DZANK1: variants seen among roughly 807,000 people sequenced by gnomAD.
DZANK1 encodes the protein double zinc ribbon and ankyrin repeat-containing protein 1.
Under a neutral mutation model 94.5 loss-of-function variants are expected in DZANK1, and 91 were observed. The observed-to-expected ratio is 0.96, with a 90% CI of 0.81 to 1.15. The LOEUF is 1.15. DZANK1 is among the 50% of genes most tolerant of loss of function. The probability of loss-of-function intolerance (pLI) is 0.00; values close to 1 mark genes in which losing one functional copy is unlikely to be tolerated. For missense variants in DZANK1, 903 were observed against 916.4 expected, an observed-to-expected ratio of 0.99 and a Z score of 0.19; for synonymous variants, 312 against 325.3, an observed-to-expected ratio of 0.96 and a Z score of 0.44.
At chr20:18,399,955 T>C (rs1455882807) in intron 13 of DZANK1, among the ~76,000 whole-genome samples, 2 of 152,238 alleles carry the variant, frequency 1.3e-5, no homozygotes, top group African/African-American at 2.4e-5. Flanking sequence ...TCATGCAGCA[T>C]GGTTCAGTGG....
intron 13 of DZANK1, among the ~76,000 whole-genome samples, chr20:18,408,977 C>A (rs2057099527): frequency 6.6e-6 from 1 of 151,998 alleles, no homozygotes; most frequent in Non-Finnish European, 1.5e-5. Flanking sequence ...AGTACAATAA[C>A]ACTAAAGAGA....
chr20:18,394,546 C>G, intron 15 of DZANK1, 196 bp from the exon 16 acceptor site: 1 of 689,244 alleles, frequency 1.5e-6, no homozygotes, highest in Non-Finnish European at 2.6e-6. Context: ...GCCCCTTACC[C>G]GCGGCTCAGT....
chr20:18,419,633 C>A (rs575494425), intron 10 of DZANK1, among the ~76,000 whole-genome samples: 1 of 152,190 alleles, frequency 6.6e-6, no homozygotes, highest in African/African-American at 2.4e-5. Flanking sequence ...TGTGGAACAG[C>A]TTTAAAGTTC....
In DZANK1 at chr20:18,441,135, T is replaced by C. The variant is rs12625434; in HGVS notation, c.747+2212A>G. On this transcript the variant is annotated intron_variant, in intron 8 of 20. Transcript: ENST00000262547. This position sits in a 1 kb window ranked among gnomAD's most constrained non-coding sequence, Gnocchi z 4.1. ...ACAGTTTTTGTAGTCATTGTCACTG[T>C]CATAGAGTCAAGTGCAGCAGTTACT... is the stretch of plus-strand genomic sequence containing the variant. Among the ~76,000 whole-genome samples, 62,584 of 151,900 alleles carry C rather than the reference T, an allele frequency of 0.41. 13,501 individuals carry two copies. The highest frequency in any genetic ancestry group is 0.48 in the Middle Eastern group (139 of 290).
At chr20:18,452,438 T>C (rs1344088675) in intron 6 of DZANK1, among the ~76,000 whole-genome samples, 177 bp downstream of exon 6, 1 of 152,162 alleles carries the variant, frequency 6.6e-6, no homozygotes. Context: ...CCAAGCCCAA[T>C]AAAAGGTAAG....
intron 7 of DZANK1, among the ~76,000 whole-genome samples, chr20:18,446,850 T>C (rs1400030838): frequency 6.6e-6 from 1 of 152,224 alleles, no homozygotes; most frequent in Non-Finnish European, 1.5e-5. Flanking sequence ...GAATCTAGAA[T>C]TATACCGATA....
chr20:18,452,715 T>C (rs752736130), intron 5 of DZANK1: 1 of 1,592,034 alleles, frequency 6.3e-7, no homozygotes, highest in Admixed American at 1.8e-5. Context: ...AGTTTTAGGG[T>C]CAGTTCTTTC....
chr20:18,425,507 C>T (rs1333881628), intron 10 of DZANK1, among the ~76,000 whole-genome samples: 1 of 150,856 alleles, frequency 6.6e-6, no homozygotes, highest in South Asian at 2.1e-4. Context: ...GCCGAGACTG[C>T]ACCACTGCAC....
rs1357964955 is a variant in DZANK1 at position 18,389,774 on chromosome 20, CA to C, written c.1944del (p.Val649LeufsTer2). The stretch of plus-strand genomic sequence containing the variant: ...ATCGCTTCATGGTGCTTATTCATAA[CA>C]GCCACGGTTATGACGGGTCGATTGT... On this transcript the variant is annotated frameshift_variant, in exon 19 of 21. Coordinates refer to ENST00000262547, the Ensembl canonical transcript of DZANK1. LOFTEE classifies it high-confidence loss of function. The C allele has an allele frequency of 6.2e-7, 1 of 1,613,906 alleles. No individual in the cohort carries two copies.
chr20:18,439,568 G>T (rs1342090906), intron 8 of DZANK1, among the ~76,000 whole-genome samples: 6 of 152,166 alleles, frequency 3.9e-5, no homozygotes, highest in African/African-American at 1.4e-4. Flanking sequence ...GCAGTTAAGT[G>T]CTGCCACTTA....
intron 19 of DZANK1, among the ~76,000 whole-genome samples, chr20:18,388,868 C>G (rs1279078702): frequency 2.6e-5 from 4 of 152,174 alleles, no homozygotes; most frequent in African/African-American, 4.8e-5. Flanking sequence ...ATAACAGAAG[C>G]AAAGCTACTG....
exon 4 of DZANK1, chr20:18,455,330 C>G: frequency 6.2e-7 from 1 of 1,607,596 alleles, no homozygotes; most frequent in South Asian, 1.1e-5. Flanking sequence ...ACGTGAAACA[C>G]CTTTGTCACA....
chr20:18,390,581 TGA>T, intron 17 of DZANK1, 122 bp from the exon 18 acceptor site: 1 of 798,158 alleles, frequency 1.3e-6, no homozygotes, highest in Non-Finnish European at 2.1e-6. Flanking sequence ...TGTGCATGTG[TGA>T]GTGTGTGAGT....
intron 7 of DZANK1, among the ~76,000 whole-genome samples, chr20:18,448,759 C>T (rs887809966): frequency 4.0e-5 from 6 of 150,824 alleles, no homozygotes; most frequent in Admixed American, 6.7e-5. Context: ...CTCAGCTACT[C>T]GGGAGGCTGA....
At chr20:18,422,165 A>G (rs1055028338) in intron 10 of DZANK1, among the ~76,000 whole-genome samples, 13 of 152,020 alleles carry the variant, frequency 8.6e-5, no homozygotes, top group African/African-American at 1.4e-4. Flanking sequence ...CTTTTTCCCT[A>G]TGTTTTCCAA....
chr20:18,453,890 T>A (rs377752337), intron 4 of DZANK1, 63 bp from the exon 5 acceptor site: 2 of 1,031,980 alleles, frequency 1.9e-6, no homozygotes, highest in African/African-American at 3.1e-5. Flanking sequence ...TAAAGCTGCA[T>A]GATAGAGAAA....
At chr20:18,385,187 G>C in intron 19 of DZANK1, 97 bp from the exon 20 acceptor site, 1 of 1,189,404 alleles carries the variant, frequency 8.4e-7, no homozygotes, top group Non-Finnish European at 1.2e-6. Context: ...TTTGCTCACC[G>C]ACCTACTTAA....
chr20:18,405,655 A>G (rs2056924345), intron 13 of DZANK1, among the ~76,000 whole-genome samples: 1 of 152,254 alleles, frequency 6.6e-6, no homozygotes, highest in South Asian at 2.1e-4. Context: ...AGCCTACATC[A>G]TTCATCCTCC....
At chr20:18,402,298 T>C (rs1229055041) in intron 13 of DZANK1, among the ~76,000 whole-genome samples, 2 of 152,058 alleles carry the variant, frequency 1.3e-5, no homozygotes, top group Non-Finnish European at 1.5e-5. Flanking sequence ...GGTCTCCCAA[T>C]AGATAGAAGA....
Sources: gnomAD v4.1 joint callset for allele counts (sites outside exome capture counted in the v4.1 genomes callset) on GRCh38, gnomAD v4.1.1 for gene constraint, Gnocchi (gnomAD v3.1) non-coding constraint, MANE v1.5 for transcripts, NCBI Gene and HGNC (gene_info 2026-07-23, HGNC 2026-07-21) for gene names.